The following TTC4 variants were observed in gnomAD, a reference collection of about 807,000 sequenced individuals.
TTC4 encodes hsp70/Hsp90 co-chaperone CNS1 homolog.
Under a neutral mutation model 51.9 loss-of-function variants are expected in TTC4, and 36 were observed. The ratio of observed to expected loss-of-function variants is 0.69; its 90% confidence interval spans 0.53 to 0.92. TTC4 has a LOEUF of 0.92. Among genes scored for constraint, TTC4 ranks in the 40% least tolerant of loss-of-function variants. TTC4 has a pLI of 0.00. For synonymous variants in TTC4, 144 were observed against 164.2 expected, an observed-to-expected ratio of 0.88 and a Z score of 0.94; for missense variants, 399 against 454.6, an observed-to-expected ratio of 0.88 and a Z score of 1.11.
At position 54,728,347 on chromosome 1, in the gene TTC4, G is replaced by A. The variant is rs763475805; in HGVS notation, c.596G>A (p.Arg199Gln). Residue 199 changes from arginine to glutamine, a missense_variant and splice_region_variant, in exon 6 of 10, where the codon CGA becomes CAA. This residue lies in a region of TTC4 where 316 missense variants were observed against 349.6 expected (regional missense o/e 0.90). Transcript: ENST00000371281. ...EMRAKADKLKRIEQRDVRKAN... is the reference protein window; with the variant it reads ...EMRAKADKLKQIEQRDVRKAN... The stretch of plus-strand genomic sequence containing the variant: ...GATGCATCTAAATTTCATTTTTAGC[G>A]AATTGAACAGAGGGATGTGAGGAAA... 1.6e-5 allele frequency: 25 copies of A among 1,611,494 alleles called. No homozygotes were observed. Among genetic ancestry groups the A allele is most frequent in the Non-Finnish European group, 2.1e-5 (25 of 1,178,512 alleles).
rs1646020317 is a variant in TTC4 at position 54,742,271 on chromosome 1, T to C, written c.*758T>C. ...AGAGTATATTTTTGTCTGCAGCTGT[T>C]TGTTGCCCCATTCCTAAGAGGAGTT... On this transcript the variant is annotated 3_prime_UTR_variant, in exon 10 of 10. Coordinates refer to ENST00000371281, the MANE Select transcript of TTC4 (RefSeq NM_004623.5). 2 of 152,266 alleles carry C rather than the reference T, an allele frequency of 1.3e-5. No homozygotes were observed. Among genetic ancestry groups the C allele is most frequent in the Non-Finnish European group, 2.9e-5 (2 of 68,084 alleles). The allele number at this position is 152,266 out of a possible 1,614,324, so 9.4% of individuals were successfully genotyped here.
At chr1:54,719,896 CTTTT>C (rs35056653) in intron 3 of TTC4, among the ~76,000 whole-genome samples, 1 of 135,756 alleles carries the variant, frequency 7.4e-6, no homozygotes, top group Non-Finnish European at 1.6e-5. Flanking sequence ...ATGTTCCATA[CTTTT>C]TTTTTTTTTT....
intron 2 of TTC4, among the ~76,000 whole-genome samples, chr1:54,717,122 C>T (rs1318743393): frequency 6.6e-6 from 1 of 152,146 alleles, no homozygotes; most frequent in Non-Finnish European, 1.5e-5. Context: ...GGGGAATTTG[C>T]ACTCCACAGA....
chr1:54,726,189 AAAG>A (rs1645797078), intron 5 of TTC4, among the ~76,000 whole-genome samples: 1 of 152,348 alleles, frequency 6.6e-6, no homozygotes, highest in Admixed American at 6.5e-5. Context: ...GTTGAAAAAC[AAAG>A]AAGAGAACCT....
rs766375868 is a variant in TTC4 at position 54,741,552 on chromosome 1, C to T, written c.*39C>T. ...CCTGGATCTCCTCCCTTACCCTCCT[C>T]TGCTGGGAACCTAGCACACCTGAAT... On this transcript the variant is annotated 3_prime_UTR_variant, in exon 10 of 10. Transcript: ENST00000371281. 8 of 1,533,020 alleles carry T rather than the reference C, an allele frequency of 5.2e-6. No individual in the cohort carries two copies. The African/African-American group carries it at 9.6e-5, about 18-fold the overall frequency. 95.0% of individuals were successfully genotyped at this position (1,533,020 alleles called of 1,614,324 possible). A position where few individuals can be genotyped will look rare whatever the true frequency, so the allele number is the denominator to read the frequency against.
rs1645756219 is a variant in TTC4 at position 54,722,677 on chromosome 1, G to A, written c.472G>A (p.Ala158Thr). The A allele has an allele frequency of 1.2e-6, 2 of 1,613,598 alleles. No homozygotes were observed. Among genetic ancestry groups the A allele is most frequent in the South Asian group, 2.2e-5 (2 of 91,044 alleles). ...PCHLKAIIRG[A>T]LCHLELKHFA... ...CCTAAGGGTTCTGGGTTCTGCAGGTGCCTTATGCCATCTGGAACTGAAACA... is the reference window on the plus strand; with the variant it reads ...CCTAAGGGTTCTGGGTTCTGCAGGTACCTTATGCCATCTGGAACTGAAACA... Residue 158 changes from alanine (A) to threonine (T), a missense_variant and splice_region_variant, in exon 5 of 10, where the codon GCC becomes ACC. Ala to Thr is a moderately conservative substitution (Grantham distance 58). Coordinates refer to ENST00000371281, the MANE Select transcript of TTC4 (RefSeq NM_004623.5).
At chr1:54,717,465 A>G in intron 2 of TTC4, 27 bp from the exon 3 acceptor site, 3 of 1,475,380 alleles carry the variant, frequency 2.0e-6, no homozygotes, top group Non-Finnish European at 2.7e-6. Flanking sequence ...AGTAAGCAAT[A>G]GTGATTATTT....
intron 6 of TTC4, among the ~76,000 whole-genome samples, chr1:54,730,348 G>A (rs879587339): frequency 6.8e-6 from 1 of 147,890 alleles, no homozygotes; most frequent in Non-Finnish European, 1.5e-5. Context: ...ATACATAAGA[G>A]TTACTCTCAA....
chr1:54,733,439 A>C (rs1645894539), intron 7 of TTC4, among the ~76,000 whole-genome samples, 190 bp from the exon 8 acceptor site: 1 of 151,808 alleles, frequency 6.6e-6, no homozygotes, highest in Non-Finnish European at 1.5e-5. Flanking sequence ...AATAAAATAA[A>C]ATAAAATAAA....
In TTC4 at chr1:54,737,613, T is replaced by C. The variant is rs781535903; in HGVS notation, c.1010T>C (p.Leu337Pro). Residue 337 changes from leucine (L) to proline (P), a missense_variant, in exon 9 of 10, where the codon CTA becomes CCA. By Grantham distance (98) the Leu-to-Pro change is moderately conservative. Coordinates refer to ENST00000371281, the MANE Select transcript of TTC4 (RefSeq NM_004623.5). ...TTTGAGGATGAGGACAGGGCAGAAC[T>C]ATACCGGGTGCCTGCCAAGAGCACC... ...VYFEDEDRAE[L>P]YRVPAKSTLL... 1.2e-6 allele frequency: 2 copies of C among 1,613,612 alleles called. No individual in the cohort carries two copies. The highest frequency in any genetic ancestry group is 1.7e-6 in the Non-Finnish European group (2 of 1,180,022).
rs760177398 is a variant in TTC4 at position 54,717,602 on chromosome 1, G to A, written c.340G>A (p.Asp114Asn). 6.2e-7 allele frequency: 1 copy of A among 1,611,740 alleles called. No homozygotes were observed. The highest frequency in any genetic ancestry group is 1.1e-5 in the South Asian group (1 of 90,326). Residue 114 changes from aspartate to asparagine, a missense_variant, in exon 3 of 10, where the codon GAT becomes AAT. Physicochemically the swap from Asp to Asn is conservative, Grantham distance 23. Around this residue, in one of 3 missense-constraint regions of TTC4, gnomAD observed 316 missense variants for 349.6 expected, o/e 0.90. Coordinates refer to ENST00000371281, the MANE Select transcript of TTC4 (RefSeq NM_004623.5). ...CTTAAAGAAGAAATGTGCAGATCCT[G>A]ATTTGAATGCTGTCCTTTATACCAA... is the stretch of plus-strand genomic sequence containing the variant. The part of the protein sequence containing the change: ...EGLKKKCADP[D>N]LNAVLYTNRA...
Position 54,741,449 on chromosome 1 carries a change from G to C in TTC4, c.1100G>C (p.Cys367Ser), listed in dbSNP as rs780796388. 1 of 1,614,206 alleles carries C rather than the reference G, an allele frequency of 6.2e-7. No homozygotes were observed. Among genetic ancestry groups the C allele is most frequent in the Non-Finnish European group, 8.5e-7 (1 of 1,180,046 alleles). Reference protein sequence around the residue: ...VKALTPAFLVCVGSSPFCKNF... With the variant: ...VKALTPAFLVSVGSSPFCKNF... ...GCCCTGACACCAGCATTTTTGGTCT[G>C]TGTAGGATCCTCTCCTTTTTGCAAG... is the stretch of plus-strand genomic sequence containing the variant. The change falls in exon 10 of 10, where the codon TGT (cysteine) becomes TCT (serine). Residue 367 changes from cysteine (C) to serine (S), a missense_variant. Physicochemically the swap from Cys to Ser is moderately radical, Grantham distance 112. This residue lies in a region of TTC4 where 64 missense variants were observed against 61.3 expected (regional missense o/e 1.04). Transcript: ENST00000371281.
rs190033021 is a variant in TTC4, at chr1:54,719,069, T to G, written c.391+1416T>G. Among the ~76,000 whole-genome samples, 79 of 152,328 alleles carry G rather than the reference T, an allele frequency of 5.2e-4. No individual in the cohort carries two copies. The East Asian group carries it at 0.014, about 28-fold the overall frequency. On this transcript the variant is annotated intron_variant, in intron 3 of 9. Transcript: ENST00000371281. ...GACCAAGGGCTCAATCTTTAATATT[T>G]CCTTTACTGAATCACCTTTGTGCCT... is the stretch of plus-strand genomic sequence containing the variant.
intron 7 of TTC4, 142 bp downstream of exon 7, chr1:54,731,842 T>C: frequency 1.3e-6 from 1 of 764,606 alleles, no homozygotes; most frequent in Admixed American, 2.9e-5. Flanking sequence ...TAATAACCTC[T>C]CTATCCTGTA....
chr1:54,720,285 A>G lies in TTC4; in HGVS notation c.392-878A>G, dbSNP rs148476661. On this transcript the variant is annotated intron_variant, in intron 3 of 9. Coordinates refer to ENST00000371281, the MANE Select transcript of TTC4 (RefSeq NM_004623.5). Reference sequence around the variant, plus strand: ...GTGGCCTGCAACACCTAAAATATTTATCTGGCCCTTTACAAAATATTTTGC... The same window carrying G: ...GTGGCCTGCAACACCTAAAATATTTGTCTGGCCCTTTACAAAATATTTTGC... 1.1e-4 allele frequency among the ~76,000 whole-genome samples: 17 copies of G among 152,240 alleles called. 1 individual carries two copies. The East Asian group carries it at 2.7e-3, about 24-fold the overall frequency.
At chr1:54,721,660 A>C (rs1645744778) in intron 4 of TTC4, among the ~76,000 whole-genome samples, 1 of 152,180 alleles carries the variant, frequency 6.6e-6, no homozygotes, top group Admixed American at 6.5e-5. Context: ...ATGTAATAAC[A>C]GTGCTTTTAT....
In TTC4 at chr1:54,741,297, C is replaced by G. The variant is rs1260894894; in HGVS notation, c.1062-114C>G. 4 of 895,282 alleles carry G rather than the reference C, an allele frequency of 4.5e-6. No individual in the cohort carries two copies. The African/African-American group carries it at 4.9e-5, about 11-fold the overall frequency. 55.5% of individuals were successfully genotyped at this position (895,282 alleles called of 1,614,324 possible). A position where few individuals can be genotyped will look rare whatever the true frequency, so the allele number is the denominator to read the frequency against. Reference sequence around the variant, plus strand: ...CAACCACATAACTGTGCTAAACTTGCATTTTCATGTTGACTCCCATCCAGA... The same window carrying G: ...CAACCACATAACTGTGCTAAACTTGGATTTTCATGTTGACTCCCATCCAGA... On this transcript the variant is annotated intron_variant, in intron 9 of 9. Coordinates refer to ENST00000371281, the MANE Select transcript of TTC4 (RefSeq NM_004623.5).
intron 4 of TTC4, among the ~76,000 whole-genome samples, chr1:54,722,340 G>C (rs1434883618): frequency 6.6e-6 from 1 of 152,116 alleles, no homozygotes; most frequent in Non-Finnish European, 1.5e-5. Flanking sequence ...GATATGCTTG[G>C]TCCTTTGTCT....
At chr1:54,733,527 GT>G in intron 7 of TTC4, 101 bp from the exon 8 acceptor site, 1 of 857,068 alleles carries the variant, frequency 1.2e-6, no homozygotes, top group Admixed American at 2.9e-5. Context: ...TGCATTTCAT[GT>G]TTTATACATT....
Sources: allele counts gnomAD v4.1 joint callset (sites outside exome capture counted in the v4.1 genomes callset), GRCh38; gene constraint gnomAD v4.1.1; regional missense constraint gnomAD v4.1.1; transcripts MANE v1.5; gene names NCBI Gene and HGNC (gene_info 2026-07-23, HGNC 2026-07-21).